SCRN1: variants seen among roughly 807,000 people sequenced by gnomAD.
The protein encoded by SCRN1 is secernin 1.
A neutral mutation model predicts 43.3 loss-of-function variants in SCRN1; 19 were observed. The observed-to-expected ratio is 0.44, with a 90% CI of 0.31 to 0.64. SCRN1 has a LOEUF of 0.64. SCRN1 is among the 30% of genes least tolerant of loss of function. SCRN1 has a pLI of 0.09. For synonymous variants in SCRN1, 183 were observed against 188.9 expected (o/e 0.97, Z 0.26); for missense variants, 447 against 524.1 (o/e 0.85, Z 1.44).
intron 3 of SCRN1, among the ~76,000 whole-genome samples, chr7:29,949,755 G>A (rs919915867): frequency 1.3e-5 from 2 of 152,144 alleles, no homozygotes; most frequent in Non-Finnish European, 2.9e-5. Context: ...GTTCACTGCA[G>A]CCCTGACCTC....
intron 5 of SCRN1, among the ~76,000 whole-genome samples, chr7:29,937,701 C>T (rs562628224): frequency 6.6e-5 from 10 of 152,268 alleles, no homozygotes; most frequent in East Asian, 5.8e-4. Context: ...GGACTGTTGG[C>T]GGTGACCACA....
intron 1 of SCRN1, among the ~76,000 whole-genome samples, chr7:29,973,919 G>A (rs1788735208): frequency 6.6e-6 from 1 of 152,062 alleles, no homozygotes; most frequent in African/African-American, 2.4e-5. Context: ...ACATCTATCG[G>A]GTAGAATACT....
intron 1 of SCRN1, among the ~76,000 whole-genome samples, chr7:29,982,932 G>A (rs1445433154): frequency 1.3e-5 from 2 of 151,460 alleles, no homozygotes; most frequent in Non-Finnish European, 1.5e-5. Context: ...TCCACCTCCC[G>A]GGTTCAAGCA....
At chr7:29,931,537 A>C (rs1194539842) in intron 6 of SCRN1, among the ~76,000 whole-genome samples, 1 of 152,224 alleles carries the variant, frequency 6.6e-6, no homozygotes, top group African/African-American at 2.4e-5. Flanking sequence ...ACTACCTCTC[A>C]CTCTTATATT....
At chr7:29,967,923 TG>T (rs1788548703) in intron 2 of SCRN1, among the ~76,000 whole-genome samples, 1 of 152,148 alleles carries the variant, frequency 6.6e-6, no homozygotes. Context: ...TATGAAGAAA[TG>T]GGCATTGTCA....
intron 4 of SCRN1, among the ~76,000 whole-genome samples, chr7:29,941,176 C>T (rs1787533328): frequency 6.6e-6 from 1 of 152,080 alleles, no homozygotes; most frequent in African/African-American, 2.4e-5. Flanking sequence ...CTAAATAAGC[C>T]CCAAGCATTC....
At chr7:29,975,294 C>T (rs1788783648) in intron 1 of SCRN1, among the ~76,000 whole-genome samples, 1 of 152,086 alleles carries the variant, frequency 6.6e-6, no homozygotes, top group South Asian at 2.1e-4. Flanking sequence ...AGAGTTTGTC[C>T]AGAAATAAAG....
upstream of SCRN1, chr7:29,990,284 C>T: frequency 1.9e-6 from 3 of 1,547,552 alleles, no homozygotes; most frequent in Non-Finnish European, 1.7e-6. Context: ...ACATTGTGGC[C>T]TAGAGAGGTT....
intron 6 of SCRN1, among the ~76,000 whole-genome samples, chr7:29,926,963 G>A (rs182422534): frequency 2.4e-4 from 36 of 151,900 alleles, no homozygotes; most frequent in African/African-American, 8.7e-4. Context: ...ACGGTGCAAG[G>A]AGCCATCTAG....
intron 2 of SCRN1, 74 bp downstream of exon 2, chr7:29,968,835 G>C (rs1467933297): frequency 6.4e-7 from 1 of 1,564,426 alleles, no homozygotes; most frequent in Non-Finnish European, 8.8e-7. Context: ...TTCCAAGCAA[G>C]AAGTTAGGGT....
At chr7:29,942,159 CA>C (rs1787578309) in intron 4 of SCRN1, among the ~76,000 whole-genome samples, 1 of 152,186 alleles carries the variant, frequency 6.6e-6, no homozygotes, top group Admixed American at 6.5e-5. Context: ...ATTTTGACAT[CA>C]TTCCTACTAA....
intron 6 of SCRN1, 60 bp from the exon 7 acceptor site, chr7:29,926,692 G>A: frequency 1.4e-6 from 2 of 1,468,806 alleles, no homozygotes; most frequent in East Asian, 4.9e-5. Context: ...AACACCCAGA[G>A]ACTGTCCTTT....
chr7:29,961,051 CTTAT>C (rs1245089090), intron 2 of SCRN1, among the ~76,000 whole-genome samples: 1 of 137,872 alleles, frequency 7.3e-6, no homozygotes, highest in African/African-American at 2.8e-5. Flanking sequence ...GCTGGAGGAT[CTTAT>C]TTCTTTTTTT....
rs1787771755 is a variant in SCRN1 at position 29,947,439 on chromosome 7, T to C, written c.342-3260A>G. ...GGATTAGGAGATCCCTGTCCTTTTC[T>C]ATCTCAAATCAGGTAAAACTAGATT... On this transcript the variant is annotated intron_variant, in intron 3 of 7. Coordinates refer to ENST00000242059, the MANE Select transcript of SCRN1 (RefSeq NM_014766.5). 19 of 1,293,130 alleles carry C rather than the reference T, an allele frequency of 1.5e-5. No homozygotes were observed. The South Asian group carries it at 2.3e-4, about 16-fold the overall frequency. The allele number at this position is 1,293,130 out of a possible 1,614,324, so 80.1% of individuals were successfully genotyped here.
rs1276854154 is a variant in SCRN1, at chr7:29,955,199, C to G, written c.321G>C (p.Leu107Phe). 6 of 1,614,166 alleles carry G rather than the reference C, an allele frequency of 3.7e-6. No homozygotes were observed. The highest frequency in any genetic ancestry group is 5.1e-6 in the Non-Finnish European group (6 of 1,179,990). ...AGTACCTGACCAGATCCATCCCCAG[C>G]AAGGCTTCTATCTCGGCAGCTGGCT... ...TREPAAEIEALLGMDLVRLGL... is the reference protein window; with the variant it reads ...TREPAAEIEAFLGMDLVRLGL... The change falls in exon 3 of 8, where the codon TTG becomes TTC. Residue 107 changes from leucine (L) to phenylalanine (F), a missense_variant. By Grantham distance (22) the Leu-to-Phe change is conservative. Transcript: ENST00000242059.
chr7:29,931,513 G>C lies in SCRN1; in HGVS notation c.906-4881C>G, dbSNP rs1211034627. Among the ~76,000 whole-genome samples, 5 of 152,162 alleles carry C rather than the reference G, an allele frequency of 3.3e-5. No individual in the cohort carries two copies. The East Asian group carries it at 7.7e-4, about 23-fold the overall frequency. On this transcript the variant is annotated intron_variant, in intron 6 of 7. Transcript: ENST00000242059. ...GAAGTAAATTCAGATCTAAATGCAA[G>C]GTCAGTTTTCCCCACTACCTCTCAC...
chr7:29,987,744 C>A (rs1317172817), intron 1 of SCRN1, among the ~76,000 whole-genome samples: 1 of 152,198 alleles, frequency 6.6e-6, no homozygotes, highest in Non-Finnish European at 1.5e-5. Context: ...TGTTCTCCCC[C>A]AGGCTCTAAA....
At position 29,923,226 on chromosome 7, in the gene SCRN1, C is replaced by A. The variant is rs1441601290; in HGVS notation, c.*731G>T. 1 of 152,272 alleles carries A rather than the reference C, an allele frequency of 6.6e-6. No homozygotes were observed. Among genetic ancestry groups the A allele is most frequent in the East Asian group, 1.9e-4 (1 of 5,200 alleles). The allele number at this position is 152,272 out of a possible 1,614,324, so 9.4% of individuals were successfully genotyped here. A position where few individuals can be genotyped will look rare whatever the true frequency, so the allele number is the denominator to read the frequency against. On this transcript the variant is annotated 3_prime_UTR_variant, in exon 8 of 8. Coordinates refer to ENST00000242059, the MANE Select transcript of SCRN1 (RefSeq NM_014766.5). The stretch of plus-strand genomic sequence containing the variant: ...CAGAAGGCCACCAGCATGGCTATGT[C>A]TGAATCTCGGAAGTGAATAGGTTCC...
chr7:29,989,200 T>G (rs981094968), intron 1 of SCRN1: 1 of 152,034 alleles, frequency 6.6e-6, no homozygotes, highest in Non-Finnish European at 1.5e-5. Flanking sequence ...GGCAGCCATG[T>G]TCGCGGCGCC....
Sources: allele counts gnomAD v4.1 joint callset (sites outside exome capture counted in the v4.1 genomes callset), GRCh38; gene constraint gnomAD v4.1.1; transcripts MANE v1.5; gene names NCBI Gene and HGNC (gene_info 2026-07-23, HGNC 2026-07-21).